Variants in TRA2B observed in about 807,000 individuals in gnomAD.
The protein encoded by TRA2B is transformer-2 protein homolog beta.
In TRA2B, 14 loss-of-function variants were observed where a neutral mutation model predicts 41.7. The ratio of observed to expected loss-of-function variants is 0.34; its 90% CI spans 0.22 to 0.53. The LOEUF (loss-of-function observed/expected upper bound fraction) is 0.53, where lower values mean the gene tolerates loss of function less well. Among genes scored for constraint, TRA2B ranks in the 20% least tolerant of loss-of-function variants. The pLI is 0.95. For missense variants in TRA2B, 167 were observed against 396.8 expected (o/e 0.42, Z 4.92); for synonymous variants, 130 against 128.8 (o/e 1.01, Z -0.06).
intron 1 of TRA2B, chr3:185,935,305 C>T (rs1015006049): frequency 1.3e-5 from 13 of 985,184 alleles, no homozygotes; most frequent in Non-Finnish European, 1.6e-5. Flanking sequence ...TAATTAGACC[C>T]CTATAGACAG....
rs1743508117 is a variant in TRA2B, at chr3:185,916,597, TAC to T, written c.*1116_*1117del. On this transcript the variant is annotated 3_prime_UTR_variant, in exon 9 of 9. Transcript: ENST00000453386. ...TTATGCACTCTGAATTTTCCAGGAA[TAC>T]AGAAATTCATCCCCCCCTCAACCCA... 6.6e-6 allele frequency: 1 copy of T among 152,462 alleles called. No homozygotes were observed. The highest frequency in any genetic ancestry group is 2.1e-4 in the South Asian group (1 of 4,828). The allele number at this position is 152,462 out of a possible 1,614,324, so 9.4% of individuals were successfully genotyped here.
intron 6 of TRA2B, 80 bp from the exon 7 acceptor site, chr3:185,919,576 A>C: frequency 2.5e-6 from 3 of 1,217,756 alleles, no homozygotes; most frequent in Non-Finnish European, 3.5e-6. Context: ...AGTAAAATAA[A>C]AACTTTCATA....
intron 6 of TRA2B, among the ~76,000 whole-genome samples, chr3:185,920,196 T>C (rs1743665073): frequency 6.6e-6 from 1 of 152,214 alleles, no homozygotes; most frequent in Non-Finnish European, 1.5e-5. Flanking sequence ...TTCTCTGGAC[T>C]CTTTCAAGGC....
At chr3:185,935,229 T>C in intron 1 of TRA2B, 1 of 985,436 alleles carries the variant, frequency 1.0e-6, no homozygotes, top group Non-Finnish European at 1.2e-6. Flanking sequence ...GGAAGAGTCT[T>C]GAATCCGGAG....
Position 185,934,861 on chromosome 3 carries a change from G to A in TRA2B, c.36+2964C>T, listed in dbSNP as rs1007989567. ...TACGTGCCTATGTTGCAATCACATC[G>A]GCTTTACAAAAATAATAGCCAGTAT... On this transcript the variant is annotated intron_variant, in intron 1 of 8. Transcript: ENST00000453386. 1.3e-5 allele frequency: 13 copies of A among 985,198 alleles called. No homozygotes were observed. In the East Asian group the frequency reaches 7.9e-4, roughly 60 times the overall value. 61.0% of individuals were successfully genotyped at this position (985,198 alleles called of 1,614,324 possible). A position where few individuals can be genotyped will look rare whatever the true frequency, so the allele number is the denominator to read the frequency against.
In TRA2B at chr3:185,937,950, C is replaced by A. The variant is rs28626117; in HGVS notation, c.-90G>T. 6.6e-4 allele frequency: 1,001 copies of A among 1,521,064 alleles called. 7 individuals are homozygous for A. In the African/African-American group the frequency reaches 0.012, roughly 19 times the overall value. 94.2% of individuals were successfully genotyped at this position (1,521,064 alleles called of 1,614,324 possible). On this transcript the variant is annotated 5_prime_UTR_variant, in exon 1 of 9. Transcript: ENST00000453386. Reference sequence around the variant, plus strand: ...TTAAGGAGGCTCCGCCGCAGCCCCGCACGACGCGCCGGTCGCCCAGCCGCT... The same window carrying A: ...TTAAGGAGGCTCCGCCGCAGCCCCGAACGACGCGCCGGTCGCCCAGCCGCT...
intron 5 of TRA2B, among the ~76,000 whole-genome samples, chr3:185,921,455 A>G (rs1427165804): frequency 6.6e-6 from 1 of 152,220 alleles, no homozygotes; most frequent in Non-Finnish European, 1.5e-5. Flanking sequence ...CAAAAATAGT[A>G]TCACTTTGCT....
chr3:185,937,051 T>C lies in TRA2B; in HGVS notation c.36+774A>G, dbSNP rs556937811. The C allele has an allele frequency of 8.7e-5, 86 of 985,414 alleles. 1 individual carries two copies. In the African/African-American group the frequency reaches 1.4e-3, roughly 17 times the overall value. The allele number at this position is 985,414 out of a possible 1,614,324, so 61.0% of individuals were successfully genotyped here. ...TTTCTCCTTCACAATCCCGTGGAAA[T>C]GCGATGTCCACAAAATCATCTTAAC... On this transcript the variant is annotated intron_variant, in intron 1 of 8. Coordinates refer to ENST00000453386, the MANE Select transcript of TRA2B (RefSeq NM_004593.3).
intron 1 of TRA2B, chr3:185,927,066 G>GCGGA (rs1357876816): frequency 7.3e-5 from 14 of 191,856 alleles, no homozygotes. Flanking sequence ...CTAGGGTGAG[G>GCGGA]CGGAACCTTA....
intron 1 of TRA2B, chr3:185,935,262 G>C (rs1329763345): frequency 1.0e-5 from 10 of 985,280 alleles, no homozygotes; most frequent in African/African-American, 3.5e-5. Context: ...TCTTACTTTT[G>C]AAAGTGGTTT....
intron 6 of TRA2B, 147 bp from the exon 7 acceptor site, chr3:185,919,643 T>G: frequency 1.6e-6 from 1 of 625,358 alleles, no homozygotes; most frequent in East Asian, 2.8e-5. Context: ...TTTTAGAAAC[T>G]GGCATAGGGT....
Position 185,918,693 on chromosome 3 carries a change from T to C in TRA2B, c.783-255A>G, listed in dbSNP as rs556410119. On this transcript the variant is annotated intron_variant, in intron 7 of 8. Transcript: ENST00000453386. ...TACTTACTTTTTAAATTTTGTGAAC[T>C]ATGTTAAGAGAGTTTTGTAAAAGAA... 9.8e-5 allele frequency among the ~76,000 whole-genome samples: 15 copies of C among 152,308 alleles called. No homozygotes were observed. In the East Asian group the frequency reaches 2.5e-3, roughly 26 times the overall value.
At chr3:185,920,520 C>G in intron 6 of TRA2B, among the ~76,000 whole-genome samples, 1 of 152,146 alleles carries the variant, frequency 6.6e-6, no homozygotes, top group Non-Finnish European at 1.5e-5. Flanking sequence ...AGCAATTCCC[C>G]TGCCTCAGCC....
At chr3:185,928,752 G>C (rs773806303) in intron 1 of TRA2B, 3 of 152,226 alleles carry the variant, frequency 2.0e-5, no homozygotes, top group Non-Finnish European at 4.4e-5. Flanking sequence ...GTGTTTCACA[G>C]TAACAGTTAA....
In TRA2B at chr3:185,916,473, T is replaced by G. The variant is rs1743503021; in HGVS notation, c.*1242A>C. The G allele has an allele frequency of 6.6e-6, 1 of 152,132 alleles. No homozygotes were observed. Among genetic ancestry groups the G allele is most frequent in the Non-Finnish European group, 1.5e-5 (1 of 68,022 alleles). 9.4% of individuals were successfully genotyped at this position (152,132 alleles called of 1,614,324 possible). On this transcript the variant is annotated 3_prime_UTR_variant, in exon 9 of 9. Coordinates refer to ENST00000453386, the MANE Select transcript of TRA2B (RefSeq NM_004593.3). ...ACATCCCTACAATTGGTCATGAAAATTACTTAAATGCAAAATAATAAGAAC... is the reference window on the plus strand; with the variant it reads ...ACATCCCTACAATTGGTCATGAAAAGTACTTAAATGCAAAATAATAAGAAC...
chr3:185,925,131 C>T, intron 3 of TRA2B: 1 of 160,406 alleles, frequency 6.2e-6, no homozygotes, highest in Non-Finnish European at 1.4e-5. Flanking sequence ...TAGGTTTATG[C>T]AGCCTGGAAA....
In TRA2B at chr3:185,916,670, C is replaced by G. The variant is rs758350482; in HGVS notation, c.*1045G>C. The G allele has an allele frequency of 6.6e-6, 1 of 152,546 alleles. No homozygotes were observed. Among genetic ancestry groups the G allele is most frequent in the Non-Finnish European group, 1.5e-5 (1 of 68,016 alleles). 9.4% of individuals were successfully genotyped at this position (152,546 alleles called of 1,614,324 possible). A position where few individuals can be genotyped will look rare whatever the true frequency, so the allele number is the denominator to read the frequency against. On this transcript the variant is annotated 3_prime_UTR_variant, in exon 9 of 9. Transcript: ENST00000453386. ...ACCTCAGCCCAAGGAACACACTGCC[C>G]TAACGATTAAACTACAGAAGAACTC...
intron 1 of TRA2B, chr3:185,934,668 A>G (rs1326640400): frequency 1.0e-6 from 1 of 985,192 alleles, no homozygotes. Flanking sequence ...AAGTAGATTC[A>G]GAGATGTTTC....
intron 1 of TRA2B, among the ~76,000 whole-genome samples, chr3:185,932,531 G>C (rs1226587730): frequency 2.0e-5 from 3 of 152,130 alleles, no homozygotes; most frequent in Admixed American, 2.0e-4. Context: ...AAGGAAAGCA[G>C]AACAAACTTG....
Sources: allele counts gnomAD v4.1 joint callset (sites outside exome capture counted in the v4.1 genomes callset), GRCh38; gene constraint gnomAD v4.1.1; transcripts MANE v1.5; gene names NCBI Gene and HGNC (gene_info 2026-07-23, HGNC 2026-07-21).